USP10: variants seen among roughly 807,000 people sequenced by gnomAD.
USP10 encodes ubiquitin carboxyl-terminal hydrolase 10.
Under a neutral mutation model 84.5 loss-of-function variants are expected in USP10, and 22 were observed. The ratio of observed to expected loss-of-function variants is 0.26; its 90% CI spans 0.19 to 0.37. USP10 has a LOEUF of 0.37. USP10 is among the 10% of genes least tolerant of loss of function. USP10 has a pLI of 1.00. For synonymous variants in USP10, 454 were observed against 387.6 expected, an observed-to-expected ratio of 1.17 and a Z score of -2.01; for missense variants, 1,019 against 998.9, an observed-to-expected ratio of 1.02 and a Z score of -0.27.
intron 1 of USP10, among the ~76,000 whole-genome samples, chr16:84,706,207 G>T (rs567131001): frequency 6.6e-6 from 1 of 152,132 alleles, no homozygotes; most frequent in Admixed American, 6.6e-5. Flanking sequence ...GCAAGTATCA[G>T]TCTTTTTACT....
chr16:84,744,734 C>T lies in USP10; in HGVS notation c.253C>T (p.Pro85Ser), dbSNP rs749376494. The T allele has an allele frequency of 6.2e-7, 1 of 1,613,704 alleles. No homozygotes were observed. The highest frequency in any genetic ancestry group is 1.1e-5 in the South Asian group (1 of 91,054). The part of the protein sequence containing the change: ...PSYSISSTLN[P>S]QAPEFILGCT... The stretch of plus-strand genomic sequence containing the variant: ...CTACAGTATTTCAAGCACACTGAAC[C>T]CTCAGGCCCCTGAATTTATTCTCGG... Residue 85 changes from proline to serine, a missense_variant, in exon 4 of 14, where the codon CCT (proline) becomes TCT (serine). By Grantham distance (74) the Pro-to-Ser change is moderately conservative. This residue lies in a region of USP10 where 787 missense variants were observed against 708.8 expected (regional missense o/e 1.11). Transcript: ENST00000219473.
chr16:84,734,517 G>C (rs1202460364), intron 2 of USP10, among the ~76,000 whole-genome samples: 1 of 152,032 alleles, frequency 6.6e-6, no homozygotes, highest in Non-Finnish European at 1.5e-5. Flanking sequence ...ATTAATCTTT[G>C]GTTTTACAGG....
At chr16:84,775,009 A>G (rs565762621) in intron 12 of USP10, 151 bp from the exon 13 acceptor site, 21 of 671,420 alleles carry the variant, frequency 3.1e-5, no homozygotes, top group South Asian at 3.1e-4. Flanking sequence ...TCATGAGTCA[A>G]TTTTTGTGCA....
chr16:84,726,167 A>G (rs1025042310), intron 1 of USP10, among the ~76,000 whole-genome samples: 2 of 152,236 alleles, frequency 1.3e-5, no homozygotes, highest in African/African-American at 4.8e-5. Context: ...ATATTTATTC[A>G]AATTTCCAGA....
intron 11 of USP10, 46 bp downstream of exon 11, chr16:84,768,404 T>C (rs1485138667): frequency 6.8e-7 from 1 of 1,467,914 alleles, no homozygotes; most frequent in East Asian, 2.4e-5. Flanking sequence ...GGTGCTCTGG[T>C]TTGGTGGAAA....
At chr16:84,710,372 C>T (rs1259886781) in intron 1 of USP10, among the ~76,000 whole-genome samples, 1 of 152,046 alleles carries the variant, frequency 6.6e-6, no homozygotes, top group African/African-American at 2.4e-5. Flanking sequence ...GGCTCTCCTC[C>T]ATAGCTGGGA....
intron 1 of USP10, among the ~76,000 whole-genome samples, chr16:84,717,348 T>C (rs570806591): frequency 6.6e-6 from 1 of 152,338 alleles, no homozygotes; most frequent in African/African-American, 2.4e-5. Flanking sequence ...TTGTGCAGAT[T>C]AAATGAAATA....
intron 1 of USP10, among the ~76,000 whole-genome samples, chr16:84,726,966 G>A (rs1445204336): frequency 9.2e-5 from 14 of 152,168 alleles, no homozygotes. Context: ...ACCTTAGGGG[G>A]CTTCCCAGTC....
intron 1 of USP10, among the ~76,000 whole-genome samples, chr16:84,704,169 G>A (rs777971533): frequency 2.6e-5 from 4 of 152,122 alleles, no homozygotes; most frequent in Non-Finnish European, 5.9e-5. Context: ...TTTTTTGTTT[G>A]TTTGTTTGTT....
At chr16:84,759,284 A>G in intron 5 of USP10, 79 bp from the exon 6 acceptor site, 2 of 1,344,082 alleles carry the variant, frequency 1.5e-6, no homozygotes, top group Non-Finnish European at 2.1e-6. Flanking sequence ...TTTTATAAAC[A>G]TTCTTGTGCT....
At chr16:84,756,897 A>G (rs1912606746) in intron 4 of USP10, among the ~76,000 whole-genome samples, 2 of 152,178 alleles carry the variant, frequency 1.3e-5, no homozygotes, top group South Asian at 2.1e-4. Context: ...CTGTGGGGAA[A>G]AGTAAGTATC....
At chr16:84,774,690 TC>T (rs1841281605) in intron 12 of USP10, among the ~76,000 whole-genome samples, 2 of 152,282 alleles carry the variant, frequency 1.3e-5, no homozygotes, top group South Asian at 4.1e-4. Context: ...CAGGATGGTC[TC>T]GATCTCCTGA....
At chr16:84,712,702 T>A (rs936127022) in intron 1 of USP10, among the ~76,000 whole-genome samples, 9 of 152,190 alleles carry the variant, frequency 5.9e-5, no homozygotes, top group African/African-American at 2.2e-4. Context: ...TGATTGTCAT[T>A]TCTGCATTTA....
In USP10 at chr16:84,745,378, C is replaced by A. The variant is rs749477595; in HGVS notation, c.897C>A (p.Thr299=). The change falls in exon 4 of 14, where the codon ACC becomes ACA. Residue 299 remains threonine, a synonymous_variant. Coordinates refer to ENST00000219473, the MANE Select transcript of USP10 (RefSeq NM_005153.3). ...ILESSGEGTA[T]NGVELHTTES... Reference sequence around the variant, plus strand: ...AATCCTCGGGTGAGGGCACAGCTACCAACGGGGTGGAGTTGCACACCACGG... The same window carrying A: ...AATCCTCGGGTGAGGGCACAGCTACAAACGGGGTGGAGTTGCACACCACGG... The A allele has an allele frequency of 9.9e-6, 16 of 1,613,296 alleles. No homozygotes were observed. The highest frequency in any genetic ancestry group is 8.5e-7 in the Non-Finnish European group (1 of 1,179,718).
At chr16:84,734,165 C>G (rs985457476) in intron 2 of USP10, among the ~76,000 whole-genome samples, 4 of 151,988 alleles carry the variant, frequency 2.6e-5, no homozygotes, top group African/African-American at 7.2e-5. Context: ...TTCTGTGGAC[C>G]GAGCCTCTTT....
chr16:84,714,017 C>G (rs1367832988), intron 1 of USP10, among the ~76,000 whole-genome samples: 1 of 152,196 alleles, frequency 6.6e-6, no homozygotes, highest in Non-Finnish European at 1.5e-5. Flanking sequence ...CTGAAAAGTT[C>G]TGGGAGACTA....
At position 84,752,983 on chromosome 16, in the gene USP10, A is replaced by G. The variant is rs1209714184; in HGVS notation, c.1193-5733A>G. Among the ~76,000 whole-genome samples the G allele has an allele frequency of 2.0e-5, 3 of 151,264 alleles. No homozygotes were observed. In the South Asian group the frequency reaches 6.2e-4, roughly 32 times the overall value. ...TTTAAAAACGTATTTTTTTTTTCTTAAGAAACAGGGTCTTGCTCATTCATT... is the reference window on the plus strand; with the variant it reads ...TTTAAAAACGTATTTTTTTTTTCTTGAGAAACAGGGTCTTGCTCATTCATT... On this transcript the variant is annotated intron_variant, in intron 4 of 13. Coordinates refer to ENST00000219473, the MANE Select transcript of USP10 (RefSeq NM_005153.3).
chr16:84,762,548 A>G lies in USP10; in HGVS notation c.1555-441A>G, dbSNP rs1440879730. 2.0e-5 allele frequency among the ~76,000 whole-genome samples: 3 copies of G among 152,164 alleles called. No homozygotes were observed. In the South Asian group the frequency reaches 6.2e-4, roughly 32 times the overall value. On this transcript the variant is annotated intron_variant, in intron 8 of 13. Transcript: ENST00000219473. ...TCTACTAAAAATACAAAGATTAGCC[A>G]GGCATGGTGGCACACACCTGGAGTC... is the stretch of plus-strand genomic sequence containing the variant.
At chr16:84,704,831 C>T in intron 1 of USP10, 5 of 1,535,690 alleles carry the variant, frequency 3.3e-6, no homozygotes, top group Non-Finnish European at 3.5e-6. Context: ...AAACATCATG[C>T]CCTGGTTGCC....
Sources: allele counts gnomAD v4.1 joint callset (sites outside exome capture counted in the v4.1 genomes callset), GRCh38; gene constraint gnomAD v4.1.1; regional missense constraint gnomAD v4.1.1; transcripts MANE v1.5; gene names NCBI Gene and HGNC (gene_info 2026-07-23, HGNC 2026-07-21).